PRR5: variants seen among roughly 807,000 people sequenced by gnomAD.
PRR5 encodes the protein proline-rich protein 5.
A neutral mutation model predicts 30.6 loss-of-function variants in PRR5; 25 were observed. The observed-to-expected ratio is 0.82, with a 90% CI of 0.60 to 1.14. The LOEUF is 1.14. Ranked by LOEUF, PRR5 falls within the 50% of genes most tolerant of loss-of-function variation. The pLI, the probability that PRR5 is intolerant of heterozygous loss-of-function variation, is 0.00. For missense variants in PRR5, 600 were observed against 547.1 expected (o/e 1.10, Z -0.96); for synonymous variants, 286 against 247.1 (o/e 1.16, Z -1.48).
chr22:44,735,240 A>C (rs1922998985), intron 7 of PRR5, 78 bp downstream of exon 7: 1 of 1,462,200 alleles, frequency 6.8e-7, no homozygotes, highest in Admixed American at 2.0e-5. Context: ...GGGCAAGCCG[A>C]GGCCCCACGA....
At chr22:44,728,169 G>C (rs191757753) in intron 4 of PRR5, among the ~76,000 whole-genome samples, 1 of 152,096 alleles carries the variant, frequency 6.6e-6, no homozygotes, top group African/African-American at 2.4e-5. Context: ...GCCCTGGGAG[G>C]CCCAGCATCC....
intron 1 of PRR5, among the ~76,000 whole-genome samples, chr22:44,692,511 T>C: frequency 8.8e-6 from 1 of 113,312 alleles, no homozygotes; most frequent in South Asian, 3.2e-4. Flanking sequence ...CACCTGGCAC[T>C]CCTCCTCCTG....
At chr22:44,723,946 C>G (rs187837219) in intron 2 of PRR5, among the ~76,000 whole-genome samples, 109 of 152,288 alleles carry the variant, frequency 7.2e-4, no homozygotes, top group African/African-American at 2.5e-3. Flanking sequence ...CTGACAGATA[C>G]TTAGGGACCA....
intron 2 of PRR5, among the ~76,000 whole-genome samples, chr22:44,715,902 G>C (rs144348413): frequency 2.0e-5 from 3 of 152,262 alleles, no homozygotes; most frequent in African/African-American, 7.2e-5. Flanking sequence ...CCCACCTCCA[G>C]CCTCTCAAAG....
intron 6 of PRR5, chr22:44,734,768 G>T (rs1922884760): frequency 8.9e-6 from 5 of 559,816 alleles, no homozygotes; most frequent in Non-Finnish European, 1.6e-5. Flanking sequence ...ATCTCATCTG[G>T]CCACAGGGCC....
intron 1 of PRR5, among the ~76,000 whole-genome samples, chr22:44,690,887 C>T (rs1044367825): frequency 6.6e-6 from 1 of 151,884 alleles, no homozygotes; most frequent in African/African-American, 2.4e-5. Context: ...TGGCGGGAGA[C>T]GAAGCAGAAT....
chr22:44,682,080 G>A (rs1240753877), intron 1 of PRR5, among the ~76,000 whole-genome samples: 4 of 152,222 alleles, frequency 2.6e-5, no homozygotes, highest in Admixed American at 6.5e-5. Flanking sequence ...TGAGTTACAA[G>A]GGGCGTGGCC....
At chr22:44,688,716 T>C (rs886508291) in intron 1 of PRR5, among the ~76,000 whole-genome samples, 2 of 151,986 alleles carry the variant, frequency 1.3e-5, no homozygotes, top group Non-Finnish European at 2.9e-5. Flanking sequence ...CCAGGTGCAG[T>C]GTGGCTCACG....
Position 44,685,158 on chromosome 22 carries a change from C to T in PRR5, c.-11+7918C>T, listed in dbSNP as rs114551054. On this transcript the variant is annotated intron_variant, in intron 1 of 8. Transcript: ENST00000006251. ...GTGGAAATTCTGGCCTGTAGGTCTG[C>T]CCCAGGTCGGAGGGTAGATGGGTAC... 6.9e-3 allele frequency among the ~76,000 whole-genome samples: 1,052 copies of T among 152,282 alleles called. 16 individuals are homozygous for T. Among genetic ancestry groups the T allele is most frequent in the African/African-American group, 0.024 (1,011 of 41,538 alleles).
chr22:44,714,593 T>C lies in PRR5; in HGVS notation c.137T>C (p.Ile46Thr). The C allele has an allele frequency of 1.2e-6, 2 of 1,613,110 alleles. No homozygotes were observed. The highest frequency in any genetic ancestry group is 1.7e-6 in the Non-Finnish European group (2 of 1,179,966). ...TGTTTTCTTCCCTCTGCCCCCAGCA[T>C]CCACAACGGGGTGATCGCCGTCTTC... is the stretch of plus-strand genomic sequence containing the variant. ...RACANATWNSIHNGVIAVFQR... is the reference protein window; with the variant it reads ...RACANATWNSTHNGVIAVFQR... Residue 46 changes from isoleucine to threonine, a missense_variant and splice_region_variant, in exon 2 of 8, where the codon ATC (isoleucine) becomes ACC (threonine). Coordinates refer to ENST00000336985, the MANE Select transcript of PRR5 (RefSeq NM_181333.4).
In PRR5 at chr22:44,680,398, G is replaced by A. The variant is rs566692333; in HGVS notation, c.-11+3158G>A. Among the ~76,000 whole-genome samples, 14 of 152,326 alleles carry A rather than the reference G, an allele frequency of 9.2e-5. No homozygotes were observed. In the South Asian group the frequency reaches 2.7e-3, roughly 29 times the overall value. ...GTGCACGTTTAGTGGAAGGAAAGGG[G>A]GGATGGGGAAGGATGGGGGATGGGG... is the stretch of plus-strand genomic sequence containing the variant. On this transcript the variant is annotated intron_variant, in intron 1 of 8. Coordinates refer to the PRR5 transcript ENST00000006251.
At chr22:44,717,368 T>A (rs1179302043) in intron 2 of PRR5, among the ~76,000 whole-genome samples, 1 of 151,714 alleles carries the variant, frequency 6.6e-6, no homozygotes, top group Non-Finnish European at 1.5e-5. Flanking sequence ...ATTTTTATAT[T>A]TTTAGTAGAG....
chr22:44,674,584 G>A (rs1351126486), upstream of PRR5, among the ~76,000 whole-genome samples: 1 of 152,092 alleles, frequency 6.6e-6, no homozygotes, highest in Non-Finnish European at 1.5e-5. Context: ...AGCCGGGCGT[G>A]GTGGCAGGCG....
intron 1 of PRR5, among the ~76,000 whole-genome samples, chr22:44,693,916 A>G (rs905770910): frequency 6.6e-6 from 1 of 150,742 alleles, no homozygotes; most frequent in Non-Finnish European, 1.5e-5. Context: ...GGCATGAGCC[A>G]CTGCGCCCTG....
chr22:44,679,865 G>A (rs775022640), intron 1 of PRR5: 93 of 1,586,524 alleles, frequency 5.9e-5, no homozygotes, highest in East Asian at 5.7e-4. Flanking sequence ...AGATGCCGGC[G>A]CAGCCTGAGG....
At chr22:44,692,425 CGGGGGCTCCTCCTCCT>C (rs1218229927) in intron 1 of PRR5, among the ~76,000 whole-genome samples, 2 of 142,326 alleles carry the variant, frequency 1.4e-5, no homozygotes, top group Admixed American at 7.0e-5. Context: ...CTCCTCCTCC[CGGGGGCTCCTCCTCCT>C]GGGGCTCCTC....
intron 1 of PRR5, among the ~76,000 whole-genome samples, chr22:44,685,906 G>A (rs12166616): frequency 0.34 from 51,130 of 152,100 alleles, 8,708 homozygotes; most frequent in East Asian, 0.47. Context: ...CCTGGCTTCC[G>A]TGGTACCATC....
intron 1 of PRR5, among the ~76,000 whole-genome samples, chr22:44,706,279 GTTTA>G (rs889646805): frequency 2.0e-5 from 3 of 152,136 alleles, no homozygotes; most frequent in African/African-American, 7.2e-5. Flanking sequence ...TCATTCATTC[GTTTA>G]TTCATTCATT....
At chr22:44,725,108 G>A (rs1315249730) in intron 2 of PRR5, 136 bp from the exon 3 acceptor site, 3 of 1,317,592 alleles carry the variant, frequency 2.3e-6, no homozygotes, top group Non-Finnish European at 3.1e-6. Flanking sequence ...GGTGGGACCT[G>A]TCCACTACCC....
Sources: allele counts gnomAD v4.1 joint callset (sites outside exome capture counted in the v4.1 genomes callset), GRCh38; gene constraint gnomAD v4.1.1; transcripts MANE v1.5; gene names NCBI Gene and HGNC (gene_info 2026-07-23, HGNC 2026-07-21).